FANK1: variants seen among roughly 807,000 people sequenced by gnomAD.
The protein encoded by FANK1 is fibronectin type III and ankyrin repeat domains 1.
In FANK1, 44 loss-of-function variants were observed where a neutral mutation model predicts 45.3. The ratio of observed to expected loss-of-function variants is 0.97; its 90% CI spans 0.76 to 1.25. The LOEUF is 1.25. Ranked by LOEUF, FANK1 falls within the 50% of genes most tolerant of loss-of-function variation. The pLI, the probability that FANK1 is intolerant of heterozygous loss-of-function variation, is 0.00. For synonymous variants in FANK1, 149 were observed against 152.5 expected, an observed-to-expected ratio of 0.98 and a Z score of 0.17; for missense variants, 391 against 424.4, an observed-to-expected ratio of 0.92 and a Z score of 0.69.
intron 1 of FANK1, among the ~76,000 whole-genome samples, chr10:125,931,518 T>C (rs1947750916): frequency 6.6e-6 from 1 of 152,226 alleles, no homozygotes; most frequent in Non-Finnish European, 1.5e-5. Context: ...ATGTCTTCTT[T>C]TGAGAATTGT....
At chr10:125,928,590 C>T (rs1383842170) in intron 1 of FANK1, among the ~76,000 whole-genome samples, 1 of 152,146 alleles carries the variant, frequency 6.6e-6, no homozygotes, top group Non-Finnish European at 1.5e-5. Flanking sequence ...CTTTTTCAAA[C>T]CCCTCTGACA....
chr10:125,920,714 A>C (rs2134129161), intron 1 of FANK1, among the ~76,000 whole-genome samples: 1 of 152,346 alleles, frequency 6.6e-6, no homozygotes, highest in East Asian at 1.9e-4. Context: ...CATCGTTTGC[A>C]GCAATGGTTG....
intron 2 of FANK1, among the ~76,000 whole-genome samples, chr10:125,987,819 T>C (rs1371321551): frequency 2.6e-5 from 4 of 152,192 alleles, no homozygotes; most frequent in African/African-American, 9.7e-5. Context: ...GCACTTGCGC[T>C]AGGTCCCAGC....
intron 1 of FANK1, among the ~76,000 whole-genome samples, chr10:125,964,512 C>T (rs7358157): frequency 0.36 from 54,286 of 151,988 alleles, 10,015 homozygotes; most frequent in South Asian, 0.42. Flanking sequence ...TCATTCTCTA[C>T]ATAACGTTTT....
intron 1 of FANK1, among the ~76,000 whole-genome samples, chr10:125,963,829 A>T (rs1469397487): frequency 6.6e-6 from 1 of 152,212 alleles, no homozygotes; most frequent in Non-Finnish European, 1.5e-5. Context: ...CCAACATGGC[A>T]CATGTATATA....
intron 1 of FANK1, among the ~76,000 whole-genome samples, chr10:125,924,271 G>A (rs1396599959): frequency 1.3e-5 from 1 of 78,192 alleles, no homozygotes; most frequent in Non-Finnish European, 2.8e-5. Flanking sequence ...TTTTTTTTGA[G>A]ATGTAGTCTC....
intron 1 of FANK1, among the ~76,000 whole-genome samples, chr10:125,965,837 T>TC (rs1370034305): frequency 2.2e-4 from 33 of 152,218 alleles, no homozygotes; most frequent in Admixed American, 2.2e-3. Flanking sequence ...CATATAGAAC[T>TC]CCAAGCAGGG....
At chr10:126,001,323 G>T (rs1028442442) in intron 6 of FANK1, among the ~76,000 whole-genome samples, 3 of 152,132 alleles carry the variant, frequency 2.0e-5, no homozygotes, top group African/African-American at 7.2e-5. Flanking sequence ...GCTGTTTTCA[G>T]TGCTTAAGTA....
At chr10:125,978,978 G>C (rs1244615057) in intron 1 of FANK1, among the ~76,000 whole-genome samples, 4 of 152,242 alleles carry the variant, frequency 2.6e-5, no homozygotes, top group Non-Finnish European at 5.9e-5. Context: ...CTGAGCGGCT[G>C]CTCTGCCAAG....
intron 1 of FANK1, among the ~76,000 whole-genome samples, chr10:125,918,121 T>C (rs1388733443): frequency 2.6e-5 from 4 of 152,184 alleles, no homozygotes; most frequent in African/African-American, 7.2e-5. Context: ...TGCCAGAGGC[T>C]GGGGTAGAGA....
intron 1 of FANK1, among the ~76,000 whole-genome samples, chr10:125,915,989 T>C (rs1234049234): frequency 1.3e-5 from 2 of 152,188 alleles, no homozygotes; most frequent in Non-Finnish European, 2.9e-5. Context: ...TCAGTTTAGT[T>C]AATTGTCATA....
chr10:125,952,003 A>G (rs1360874144), intron 1 of FANK1, among the ~76,000 whole-genome samples: 4 of 152,178 alleles, frequency 2.6e-5, no homozygotes, highest in East Asian at 1.9e-4. Flanking sequence ...CCACTTTGCT[A>G]TATTGGTGGC....
intron 1 of FANK1, among the ~76,000 whole-genome samples, chr10:125,962,871 C>T (rs903637475): frequency 3.8e-4 from 57 of 151,916 alleles, no homozygotes; most frequent in Admixed American, 3.5e-3. Context: ...AAATATATTT[C>T]TCAGAATTCT....
chr10:125,940,619 C>G (rs545858897), intron 1 of FANK1, among the ~76,000 whole-genome samples: 1 of 152,074 alleles, frequency 6.6e-6, no homozygotes. Context: ...CCTCAAGAGG[C>G]CTTCCTCTTT....
At chr10:125,945,143 T>C (rs1461853114) in intron 1 of FANK1, among the ~76,000 whole-genome samples, 1 of 152,256 alleles carries the variant, frequency 6.6e-6, no homozygotes, top group East Asian at 1.9e-4. Flanking sequence ...TGTCTTATGA[T>C]TAAGAGCTCA....
intron 1 of FANK1, among the ~76,000 whole-genome samples, chr10:125,970,092 G>C (rs375466443): frequency 4.6e-5 from 7 of 151,984 alleles, no homozygotes; most frequent in Admixed American, 4.6e-4. Context: ...TTTTCTATTC[G>C]ACAAAACCGC....
chr10:125,896,936 C>T (rs1413620067), intron 1 of FANK1, among the ~76,000 whole-genome samples: 2 of 152,150 alleles, frequency 1.3e-5, no homozygotes, highest in Non-Finnish European at 2.9e-5. Context: ...CGCAGCGACC[C>T]CAGCGTGCGT....
At chr10:125,991,214 G>A (rs1951903722) in intron 3 of FANK1, among the ~76,000 whole-genome samples, 2 of 149,204 alleles carry the variant, frequency 1.3e-5, no homozygotes, top group African/African-American at 2.5e-5. Context: ...ATTAGATGAG[G>A]CCTCCTGCAG....
At chr10:125,973,399 A>T in intron 1 of FANK1, 1 of 984,668 alleles carries the variant, frequency 1.0e-6, no homozygotes. Flanking sequence ...TCATTTGTTC[A>T]ACACTGATGT....
Sources: gnomAD v4.1 joint callset for allele counts (sites outside exome capture counted in the v4.1 genomes callset) on GRCh38, gnomAD v4.1.1 for gene constraint, MANE v1.5 for transcripts, NCBI Gene and HGNC (gene_info 2026-07-23, HGNC 2026-07-21) for gene names.